The following PTPRN2 variants were observed in gnomAD, a reference collection of about 807,000 sequenced individuals.
The protein encoded by PTPRN2 is protein tyrosine phosphatase receptor type N2, also known as receptor-type tyrosine-protein phosphatase N2.
A neutral mutation model predicts 118.8 loss-of-function variants in PTPRN2; 74 were observed. The observed-to-expected ratio is 0.62, with a 90% CI of 0.52 to 0.76. The LOEUF (loss-of-function observed/expected upper bound fraction) is 0.76, where lower values mean the gene tolerates loss of function less well. Among genes scored for constraint, PTPRN2 ranks in the 30% least tolerant of loss-of-function variants. The probability of loss-of-function intolerance (pLI) is 0.00; values close to 1 mark genes in which losing one functional copy is unlikely to be tolerated. For synonymous variants in PTPRN2, 641 were observed against 608.0 expected (o/e 1.05, Z -0.80); for missense variants, 1,481 against 1,394.4 (o/e 1.06, Z -0.99).
chr7:158,110,494 A>T (rs3800862), intron 10 of PTPRN2, among the ~76,000 whole-genome samples: 1 of 152,252 alleles, frequency 6.6e-6, no homozygotes, highest in Non-Finnish European at 1.5e-5. Flanking sequence ...TGAACGCTGC[A>T]CAGTGTTCTC....
chr7:158,268,722 A>G (rs370800812), intron 3 of PTPRN2, among the ~76,000 whole-genome samples: 28 of 79,774 alleles, frequency 3.5e-4, no homozygotes, highest in African/African-American at 1.0e-3. Context: ...CCGCACACAG[A>G]GAGGGTGTGA....
intron 3 of PTPRN2, among the ~76,000 whole-genome samples, chr7:158,227,308 G>C (rs911538657): frequency 2.0e-5 from 3 of 152,202 alleles, no homozygotes; most frequent in African/African-American, 7.2e-5. Context: ...GGAGAAGAGA[G>C]AGCTTCAAGG....
intron 11 of PTPRN2, among the ~76,000 whole-genome samples, chr7:158,057,729 G>A (rs1051967545): frequency 3.3e-5 from 5 of 152,026 alleles, no homozygotes; most frequent in Admixed American, 6.6e-5. Flanking sequence ...CAGCATCCCC[G>A]CCACTCCCCA....
chr7:158,583,354 C>T (rs1828735047), intron 1 of PTPRN2, among the ~76,000 whole-genome samples: 1 of 152,136 alleles, frequency 6.6e-6, no homozygotes, highest in African/African-American at 2.4e-5. Flanking sequence ...AAGCTGGAGA[C>T]CCAACATGCT....
chr7:158,119,705 T>C (rs1384590185), intron 9 of PTPRN2, among the ~76,000 whole-genome samples: 1 of 152,190 alleles, frequency 6.6e-6, no homozygotes, highest in Non-Finnish European at 1.5e-5. Context: ...CTGTTGTTAA[T>C]CTCATACTCT....
chr7:158,441,201 ATGG>A (rs796656879), intron 2 of PTPRN2, among the ~76,000 whole-genome samples: 5 of 131,088 alleles, frequency 3.8e-5, no homozygotes, highest in African/African-American at 6.0e-5. Flanking sequence ...AGTGATGGTG[ATGG>A]TGGTGGTGGT....
intron 3 of PTPRN2, among the ~76,000 whole-genome samples, chr7:158,282,520 G>A (rs936778826): frequency 1.3e-4 from 20 of 152,344 alleles, no homozygotes; most frequent in South Asian, 2.1e-4. Context: ...GGCTGCGGCT[G>A]AGTTTGTGAG....
intron 2 of PTPRN2, among the ~76,000 whole-genome samples, chr7:158,450,591 C>A (rs566757941): frequency 2.6e-5 from 4 of 152,294 alleles, no homozygotes; most frequent in Admixed American, 2.0e-4. Context: ...TGCTCACGGC[C>A]GCGCCTGCCT....
intron 3 of PTPRN2, among the ~76,000 whole-genome samples, chr7:158,283,716 T>C (rs746753561): frequency 1.3e-5 from 2 of 151,950 alleles, no homozygotes; most frequent in Non-Finnish European, 2.9e-5. Context: ...ATGCAGGTGA[T>C]CAGCAGTGCC....
intron 2 of PTPRN2, among the ~76,000 whole-genome samples, chr7:158,480,711 G>A (rs1214846174): frequency 6.6e-6 from 1 of 152,214 alleles, no homozygotes; most frequent in Non-Finnish European, 1.5e-5. Context: ...TGCTCATATT[G>A]AGAAAGTCTG....
chr7:158,097,310 GCC>G (rs1301958156), intron 10 of PTPRN2, among the ~76,000 whole-genome samples: 1 of 152,074 alleles, frequency 6.6e-6, no homozygotes, highest in African/African-American at 2.4e-5. Flanking sequence ...CACCTCCCGC[GCC>G]CCGTGCACAG....
intron 6 of PTPRN2, among the ~76,000 whole-genome samples, chr7:158,166,091 T>C (rs7787191): frequency 0.64 from 96,508 of 151,852 alleles, 31,358 homozygotes; most frequent in East Asian, 0.79. Context: ...CAGATATGGA[T>C]GACACAAGCT....
At chr7:157,870,675 A>T (rs962066704) in intron 12 of PTPRN2, among the ~76,000 whole-genome samples, 1 of 152,168 alleles carries the variant, frequency 6.6e-6, no homozygotes, top group Non-Finnish European at 1.5e-5. Flanking sequence ...TTTTCCATGG[A>T]CCTTCTTCAG....
At chr7:157,810,508 A>C (rs1650603948) in intron 12 of PTPRN2, among the ~76,000 whole-genome samples, 1 of 136,390 alleles carries the variant, frequency 7.3e-6, no homozygotes, top group Admixed American at 7.5e-5. Flanking sequence ...CTCCATGGGG[A>C]CGGCGGGACT....
intron 10 of PTPRN2, among the ~76,000 whole-genome samples, chr7:158,087,249 G>T (rs1410179970): frequency 1.3e-5 from 2 of 152,234 alleles, no homozygotes; most frequent in Admixed American, 1.3e-4. Context: ...TTCTCAGGGA[G>T]CCTGGTTGCT....
intron 12 of PTPRN2, among the ~76,000 whole-genome samples, chr7:157,792,091 T>C (rs1340221913): frequency 1.3e-5 from 2 of 152,224 alleles, no homozygotes; most frequent in African/African-American, 4.8e-5. Context: ...GGCCCCTGCC[T>C]GGAACTCTCT....
At chr7:157,988,482 C>T (rs1004275945) in intron 11 of PTPRN2, among the ~76,000 whole-genome samples, 2 of 152,188 alleles carry the variant, frequency 1.3e-5, no homozygotes, top group African/African-American at 4.8e-5. Flanking sequence ...CTGTCTTTCA[C>T]GTGCTGATAG....
chr7:157,621,548 G>T (rs776429904), intron 14 of PTPRN2, 39 bp from the exon 15 acceptor site: 4 of 1,605,328 alleles, frequency 2.5e-6, no homozygotes, highest in Non-Finnish European at 8.5e-7. Flanking sequence ...CACCTAGGTG[G>T]TGAGCCCAGA....
chr7:157,592,277 A>G (rs1421586400), intron 17 of PTPRN2, among the ~76,000 whole-genome samples: 4 of 152,228 alleles, frequency 2.6e-5, no homozygotes, highest in Non-Finnish European at 5.9e-5. Context: ...AGTAAGAAAA[A>G]TGGTTCACGC....
Sources: allele counts gnomAD v4.1 joint callset (sites outside exome capture counted in the v4.1 genomes callset), GRCh38; gene constraint gnomAD v4.1.1; transcripts MANE v1.5; gene names NCBI Gene and HGNC (gene_info 2026-07-23, HGNC 2026-07-21).